Variants in ITGAD observed in about 807,000 individuals in gnomAD.
ITGAD encodes the protein integrin alpha-D.
A neutral mutation model predicts 139.0 loss-of-function variants in ITGAD; 105 were observed. That is an observed-to-expected ratio of 0.76 (90% CI 0.65 to 0.89). The LOEUF is 0.89. Ranked by LOEUF, ITGAD falls within the 40% of genes least tolerant of loss-of-function variation. The pLI, the probability that ITGAD is intolerant of heterozygous loss-of-function variation, is 0.00. For synonymous variants in ITGAD, 569 were observed against 598.3 expected, an observed-to-expected ratio of 0.95 and a Z score of 0.71; for missense variants, 1,384 against 1,487.3, an observed-to-expected ratio of 0.93 and a Z score of 1.14.
In ITGAD at chr16:31,397,533, T is replaced by C. The variant is rs374672189; in HGVS notation, c.242-63T>C. ...AACTGTGCCCCCGCTTAGCTTCCAG[T>C]CCAGACCTTCCCCGCAAATGAGTGT... On this transcript the variant is annotated intron_variant, in intron 3 of 29. Transcript: ENST00000389202. The C allele has an allele frequency of 7.5e-6, 12 of 1,594,676 alleles. No homozygotes were observed. The East Asian group carries it at 2.2e-4, about 30-fold the overall frequency.
At position 31,426,290 on chromosome 16, in the gene ITGAD, A is replaced by C. The variant is rs1012557185; in HGVS notation, c.*162A>C. 1 of 563,498 alleles carries C rather than the reference A, an allele frequency of 1.8e-6. No individual in the cohort carries two copies. The highest frequency in any genetic ancestry group is 3.2e-6 in the Non-Finnish European group (1 of 312,852). 34.9% of individuals were successfully genotyped at this position (563,498 alleles called of 1,614,324 possible). ...GAGATAGAGATTGTAATGTTTTTAC[A>C]TATCTGTCCATCTTTTTCAGCAATG... is the stretch of plus-strand genomic sequence containing the variant. On this transcript the variant is annotated 3_prime_UTR_variant, in exon 30 of 30. Coordinates refer to ENST00000389202, the MANE Select transcript of ITGAD (RefSeq NM_005353.3).
intron 29 of ITGAD, among the ~76,000 whole-genome samples, chr16:31,425,689 C>CTT (rs113613818): frequency 3.1e-4 from 45 of 144,750 alleles, no homozygotes; most frequent in Non-Finnish European, 5.3e-4. Context: ...TCTTCTTCTT[C>CTT]TTTTTTTTTT....
Position 31,423,476 on chromosome 16 carries a change from C to T in ITGAD, c.2967+17C>T. 6.2e-7 allele frequency: 1 copy of T among 1,610,004 alleles called. No homozygotes were observed. The highest frequency in any genetic ancestry group is 8.5e-7 in the Non-Finnish European group (1 of 1,176,252). On this transcript the variant is annotated intron_variant, in intron 25 of 29. Coordinates refer to ENST00000389202, the MANE Select transcript of ITGAD (RefSeq NM_005353.3). ...CCATCTCAGGTACCCGCCTATCTCT[C>T]CTCTTTCTTCAGACTGACATCCCAC...
chr16:31,425,443 G>T (rs898878350), intron 29 of ITGAD, among the ~76,000 whole-genome samples: 1 of 152,200 alleles, frequency 6.6e-6, no homozygotes, highest in Non-Finnish European at 1.5e-5. Context: ...TGAGGCCAGG[G>T]CATGTGCACA....
At chr16:31,394,942 G>T (rs1232161441) in intron 2 of ITGAD, among the ~76,000 whole-genome samples, 2 of 152,188 alleles carry the variant, frequency 1.3e-5, no homozygotes, top group Non-Finnish European at 2.9e-5. Context: ...GCCTCCCAAA[G>T]TGCTGGGATT....
In ITGAD at chr16:31,411,138, C is replaced by A. The variant is rs1174056195; in HGVS notation, c.1419C>A (p.Asp473Glu). The change falls in exon 13 of 30, where the codon GAC becomes GAA. Residue 473 changes from aspartate (D) to glutamate (E), a missense_variant. Asp to Glu is a conservative substitution (Grantham distance 45). Transcript: ENST00000389202. ...SVDVDSDGST[D>E]LILIGAPHYY... ...ATGTGGACAGCGATGGCAGCACCGA[C>A]CTGATCCTCATTGGGGCCCCCCATT... 6.8e-6 allele frequency: 11 copies of A among 1,613,546 alleles called. No homozygotes were observed. Among genetic ancestry groups the A allele is most frequent in the African/African-American group, 1.3e-5 (1 of 74,888 alleles).
rs775473424 is a variant in ITGAD at position 31,397,621 on chromosome 16, C to T, written c.267C>T (p.Ser89=). ...LHIRPEAVNM[S]LGLTLAASTN... is the part of the protein sequence containing the mutation. ...TCCGCCCTGAGGCCGTGAACATGTC[C>T]TTGGGCCTGACCCTGGCAGCCTCCA... Residue 89 remains serine (S), a synonymous_variant, in exon 4 of 30, where the codon TCC becomes TCT. Transcript: ENST00000389202. 1.4e-5 allele frequency: 22 copies of T among 1,555,804 alleles called. No individual in the cohort carries two copies. The South Asian group carries it at 2.0e-4, about 14-fold the overall frequency.
At chr16:31,398,244 C>T (rs1209848805) in intron 5 of ITGAD, among the ~76,000 whole-genome samples, 4 of 148,370 alleles carry the variant, frequency 2.7e-5, no homozygotes, top group African/African-American at 1.0e-4. Flanking sequence ...TGGTGAAACC[C>T]CTCTACTAAA....
chr16:31,397,701 T>A, intron 4 of ITGAD, 35 bp downstream of exon 4: 1 of 259,072 alleles, frequency 3.9e-6, no homozygotes, highest in Non-Finnish European at 6.5e-6. Flanking sequence ...GGGGGTGGGG[T>A]GGGGCGGGGG....
chr16:31,408,559 C>A lies in ITGAD; in HGVS notation c.1083+61C>A, dbSNP rs2081598777. The stretch of plus-strand genomic sequence containing the variant: ...ATACCAACTCTGCACCCACCCTGGG[C>A]TGGGGGCTGGGAGCCAGACATAAAC... On this transcript the variant is annotated intron_variant, in intron 10 of 29. Coordinates refer to ENST00000389202, the MANE Select transcript of ITGAD (RefSeq NM_005353.3). 6 of 1,448,454 alleles carry A rather than the reference C, an allele frequency of 4.1e-6. No homozygotes were observed. The South Asian group carries it at 5.8e-5, about 14-fold the overall frequency. 89.7% of individuals were successfully genotyped at this position (1,448,454 alleles called of 1,614,324 possible). A position where few individuals can be genotyped will look rare whatever the true frequency, so the allele number is the denominator to read the frequency against.
At chr16:31,398,850 T>C (rs1309395527) in intron 5 of ITGAD, among the ~76,000 whole-genome samples, 1 of 152,126 alleles carries the variant, frequency 6.6e-6, no homozygotes, top group Non-Finnish European at 1.5e-5. Context: ...GGGCACAGCA[T>C]CTTCCAGTTG....
rs2082041374 is a variant in ITGAD, at chr16:31,423,207, A to C, written c.2859+15A>C. 1 of 1,610,586 alleles carries C rather than the reference A, an allele frequency of 6.2e-7. No homozygotes were observed. The highest frequency in any genetic ancestry group is 1.7e-5 in the Admixed American group (1 of 60,000). ...ATCGATACCGTGTGAGAGTCTAGGGAGTATCCATGTCTGCCTTCCACGTTG... is the reference window on the plus strand; with the variant it reads ...ATCGATACCGTGTGAGAGTCTAGGGCGTATCCATGTCTGCCTTCCACGTTG... On this transcript the variant is annotated intron_variant, in intron 24 of 29. Coordinates refer to ENST00000389202, the MANE Select transcript of ITGAD (RefSeq NM_005353.3).
At position 31,410,829 on chromosome 16, in the gene ITGAD, C is replaced by T; in HGVS notation, c.1307C>T (p.Thr436Ile). The T allele has an allele frequency of 1.2e-6, 2 of 1,613,898 alleles. No individual in the cohort carries two copies. The highest frequency in any genetic ancestry group is 1.7e-6 in the Non-Finnish European group (2 of 1,179,932). ...CATACCGGGAAGGCTGTCATCTTCACCCAGGTGTCCAGGCAATGGAGGAAG... is the reference window on the plus strand; with the variant it reads ...CATACCGGGAAGGCTGTCATCTTCATCCAGGTGTCCAGGCAATGGAGGAAG... ...YQHTGKAVIF[T>I]QVSRQWRKKA... Residue 436 changes from threonine (T) to isoleucine (I), a missense_variant, in exon 12 of 30, where the codon ACC (threonine) becomes ATC (isoleucine). Transcript: ENST00000389202.
At chr16:31,400,481 C>A (rs1438619976) in intron 5 of ITGAD, among the ~76,000 whole-genome samples, 1 of 152,156 alleles carries the variant, frequency 6.6e-6, no homozygotes, top group Admixed American at 6.5e-5. Flanking sequence ...ACCAACTGGG[C>A]CCTGAACACA....
intron 26 of ITGAD, 45 bp from the exon 27 acceptor site, chr16:31,423,800 T>G (rs2082055307): frequency 6.9e-6 from 11 of 1,600,200 alleles, no homozygotes; most frequent in Non-Finnish European, 9.4e-6. Flanking sequence ...TATGGCTCCC[T>G]CCTCAGGGAA....
At chr16:31,399,926 G>A (rs573819923) in intron 5 of ITGAD, among the ~76,000 whole-genome samples, 5 of 152,306 alleles carry the variant, frequency 3.3e-5, no homozygotes, top group South Asian at 2.1e-4. Flanking sequence ...GAGTTCCATC[G>A]ATAGCAAGAG....
chr16:31,412,944 C>T lies in ITGAD; in HGVS notation c.1814C>T (p.Ala605Val). ...QDGLMDLAVG[A>V]RGQVLLLRSL... ...GGACTGATGGACCTGGCCGTGGGGG[C>T]CCGGGGCCAGGTGCTCCTGCTCAGG... is the stretch of plus-strand genomic sequence containing the variant. The change falls in exon 15 of 30, where the codon GCC becomes GTC. Residue 605 changes from alanine (A) to valine (V), a missense_variant. Coordinates refer to ENST00000389202, the MANE Select transcript of ITGAD (RefSeq NM_005353.3). 2 of 1,609,828 alleles carry T rather than the reference C, an allele frequency of 1.2e-6. No individual in the cohort carries two copies. Among genetic ancestry groups the T allele is most frequent in the Non-Finnish European group, 1.7e-6 (2 of 1,177,970 alleles).
chr16:31,415,912 C>G (rs1375897341), intron 18 of ITGAD, among the ~76,000 whole-genome samples: 1 of 152,232 alleles, frequency 6.6e-6, no homozygotes, highest in East Asian at 1.9e-4. Context: ...CACCTTCCCC[C>G]AGCCCTCGCC....
intron 7 of ITGAD, among the ~76,000 whole-genome samples, chr16:31,404,891 C>G (rs1361959945): frequency 1.3e-5 from 2 of 150,108 alleles, no homozygotes; most frequent in Non-Finnish European, 3.0e-5. Context: ...TCCCTCACTT[C>G]ATTTCTTCTC....
Sources: allele counts gnomAD v4.1 joint callset (sites outside exome capture counted in the v4.1 genomes callset), GRCh38; gene constraint gnomAD v4.1.1; transcripts MANE v1.5; gene names NCBI Gene and HGNC (gene_info 2026-07-23, HGNC 2026-07-21).